Variants in MALRD1 observed in about 807,000 individuals in gnomAD.
MALRD1 encodes MAM and LDL receptor class A domain containing 1.
Under a neutral mutation model 242.1 loss-of-function variants are expected in MALRD1, and 247 were observed. That is an observed-to-expected ratio of 1.02 (90% CI 0.92 to 1.13). The LOEUF is 1.13. Among genes scored for constraint, MALRD1 ranks in the 50% most tolerant of loss-of-function variants. The pLI is 0.00. For missense variants in MALRD1, 2,989 were observed against 2,533.1 expected (o/e 1.18, Z -3.86); for synonymous variants, 995 against 866.6 (o/e 1.15, Z -2.60).
At chr10:19,071,015 C>G (rs1375552555) in intron 2 of MALRD1, among the ~76,000 whole-genome samples, 1 of 151,622 alleles carries the variant, frequency 6.6e-6, no homozygotes. Flanking sequence ...CCACTCCTGG[C>G]TAATTTTTGT....
At chr10:19,561,946 T>C (rs1352799958) in intron 32 of MALRD1, among the ~76,000 whole-genome samples, 1 of 152,104 alleles carries the variant, frequency 6.6e-6, no homozygotes, top group African/African-American at 2.4e-5. Flanking sequence ...TGTTTCAAAA[T>C]AGCTATTTCC....
Position 19,542,229 on chromosome 10 carries a change from G to T in MALRD1, c.5478+10878G>T, listed in dbSNP as rs567960545. On this transcript the variant is annotated intron_variant, in intron 32 of 39. Transcript: ENST00000454679. ...TAAATCAGCTTCACTTGGAAGTCTC[G>T]GTCTGAAGCTGAATATTATTTCTTT... Among the ~76,000 whole-genome samples the T allele has an allele frequency of 2.7e-3, 403 of 152,012 alleles. 1 individual carries two copies. Among genetic ancestry groups the T allele is most frequent in the African/African-American group, 9.3e-3 (387 of 41,496 alleles).
Position 19,398,218 on chromosome 10 carries a change from T to C in MALRD1, c.4845+8609T>C, listed in dbSNP as rs146988957. On this transcript the variant is annotated intron_variant, in intron 28 of 39. Coordinates refer to ENST00000454679, the MANE Select transcript of MALRD1 (RefSeq NM_001142308.3). ...TTTGTTGTCTGTGAATTTGAGGTCT[T>C]ATCCAAAAAAATCCTTGTGCATTCT... 2.9e-3 allele frequency among the ~76,000 whole-genome samples: 437 copies of C among 152,262 alleles called. 4 individuals carry two copies. Among genetic ancestry groups the C allele is most frequent in the South Asian group, 0.024 (115 of 4,826 alleles).
chr10:19,659,904 A>C lies in MALRD1; in HGVS notation c.6138-32378A>C, dbSNP rs372109598. Among the ~76,000 whole-genome samples the C allele has an allele frequency of 5.6e-4, 85 of 152,214 alleles. 2 individuals are homozygous for C. Among genetic ancestry groups the C allele is most frequent in the African/African-American group, 1.9e-3 (80 of 41,518 alleles). ...TGTCCCCTGATTTGCTGAACTGGTA[A>C]ATAACAGGTATTGAATTTTCTAAGA... On this transcript the variant is annotated intron_variant, in intron 36 of 39. Coordinates refer to ENST00000454679, the MANE Select transcript of MALRD1 (RefSeq NM_001142308.3).
chr10:19,155,278 G>A, intron 12 of MALRD1, 106 bp downstream of exon 12: 1 of 486,818 alleles, frequency 2.1e-6, no homozygotes, highest in Non-Finnish European at 3.2e-6. Context: ...GCACTTTAAT[G>A]ATGAATTAAG....
At chr10:19,466,041 G>A (rs575752851) in intron 29 of MALRD1, among the ~76,000 whole-genome samples, 101 of 152,190 alleles carry the variant, frequency 6.6e-4, no homozygotes, top group African/African-American at 2.3e-3. Context: ...ATTGTAGATT[G>A]TTTTAATTTA....
chr10:19,345,409 A>G (rs79573703), intron 24 of MALRD1, among the ~76,000 whole-genome samples: 8,807 of 152,156 alleles, frequency 0.058, 516 homozygotes, highest in African/African-American at 0.15. Flanking sequence ...TATAGTTCTT[A>G]ACTAAGACAG....
chr10:19,265,960 A>G (rs1403432617), intron 19 of MALRD1, among the ~76,000 whole-genome samples: 1 of 151,896 alleles, frequency 6.6e-6, no homozygotes, highest in South Asian at 2.1e-4. Flanking sequence ...ATATATTTAT[A>G]TAATGACTTT....
At chr10:19,608,517 A>G (rs896359496) in intron 35 of MALRD1, among the ~76,000 whole-genome samples, 5 of 151,776 alleles carry the variant, frequency 3.3e-5, no homozygotes, top group Admixed American at 2.6e-4. Context: ...GATTTTTTTT[A>G]TTTCACATGG....
At chr10:19,136,829 GT>G in intron 10 of MALRD1, 48 bp downstream of exon 10, 1 of 1,169,946 alleles carries the variant, frequency 8.5e-7, no homozygotes, top group Non-Finnish European at 1.1e-6. Context: ...ATTCAAGACT[GT>G]TAGTTGGATT....
At chr10:19,716,783 T>G (rs1834411683) in intron 38 of MALRD1, 1 of 152,222 alleles carries the variant, frequency 6.6e-6, no homozygotes, top group Non-Finnish European at 1.5e-5. Context: ...TTTTTCACTT[T>G]GAATGGATCA....
chr10:19,298,243 C>G (rs1841796674), intron 21 of MALRD1, among the ~76,000 whole-genome samples: 1 of 151,668 alleles, frequency 6.6e-6, no homozygotes, highest in South Asian at 2.1e-4. Flanking sequence ...AATCCCTTCC[C>G]CACAAGAATC....
intron 33 of MALRD1, among the ~76,000 whole-genome samples, chr10:19,575,626 A>T (rs558178193): frequency 6.6e-6 from 1 of 152,244 alleles, no homozygotes; most frequent in South Asian, 2.1e-4. Context: ...GGCCTCAAAA[A>T]TCTCTTGGTT....
intron 11 of MALRD1, among the ~76,000 whole-genome samples, chr10:19,149,938 G>A (rs1833881013): frequency 6.6e-6 from 1 of 152,144 alleles, no homozygotes; most frequent in African/African-American, 2.4e-5. Flanking sequence ...CATATCATAT[G>A]TAGCATTTTG....
Position 19,719,175 on chromosome 10 carries a change from C to CAT in MALRD1, c.6315-11517_6315-11516dup, listed in dbSNP as rs1181720186. Among the ~76,000 whole-genome samples the CAT allele has an allele frequency of 4.8e-3, 155 of 32,186 alleles. 2 individuals are homozygous for CAT. The highest frequency in any genetic ancestry group is 7.0e-3 in the African/African-American group (64 of 9,168). 21.1% of individuals were successfully genotyped at this position (32,186 alleles called of 152,430 possible). ...CAAATTATATATATATATATACATACATATATATATATATACATACATATA... is the reference window on the plus strand; with the variant it reads ...CAAATTATATATATATATATACATACATATATATATATATATACATACATATA... On this transcript the variant is annotated intron_variant, in intron 38 of 39. Coordinates refer to ENST00000454679, the MANE Select transcript of MALRD1 (RefSeq NM_001142308.3).
chr10:19,347,942 G>A lies in MALRD1; in HGVS notation c.4073G>A (p.Ser1358Asn). 6.5e-7 allele frequency: 1 copy of A among 1,550,334 alleles called. No individual in the cohort carries two copies. The highest frequency in any genetic ancestry group is 8.7e-7 in the Non-Finnish European group (1 of 1,146,838). Residue 1358 changes from serine (S) to asparagine (N), a missense_variant, in exon 25 of 40, where the codon AGT becomes AAT. Coordinates refer to ENST00000454679, the MANE Select transcript of MALRD1 (RefSeq NM_001142308.3). ...TCTGGTCATTACATCTTTATAAAGA[G>A]TTTGTTTCCTCAGCAGCCCATGAGA... is the stretch of plus-strand genomic sequence containing the variant. The part of the protein sequence containing the change: ...NSSGHYIFIK[S>N]LFPQQPMRAA...
chr10:19,581,707 T>G (rs1312270034), intron 33 of MALRD1, among the ~76,000 whole-genome samples: 1 of 150,388 alleles, frequency 6.6e-6, no homozygotes, highest in Non-Finnish European at 1.5e-5. Flanking sequence ...TATAGCAGCA[T>G]GATTTATAGT....
At chr10:19,619,755 A>G (rs1839320980) in intron 36 of MALRD1, among the ~76,000 whole-genome samples, 1 of 152,096 alleles carries the variant, frequency 6.6e-6, no homozygotes, top group Non-Finnish European at 1.5e-5. Flanking sequence ...GCAAGAATTT[A>G]TATTTCTGAT....
chr10:19,445,490 T>C, intron 28 of MALRD1, among the ~76,000 whole-genome samples: 1 of 152,196 alleles, frequency 6.6e-6, no homozygotes, highest in Non-Finnish European at 1.5e-5. Flanking sequence ...CAGATGGGGT[T>C]TTGGTGTGGA....
Sources: allele counts gnomAD v4.1 joint callset (sites outside exome capture counted in the v4.1 genomes callset), GRCh38; gene constraint gnomAD v4.1.1; transcripts MANE v1.5; gene names NCBI Gene and HGNC (gene_info 2026-07-23, HGNC 2026-07-21).